The following UBTD2 variants were observed in gnomAD, a reference collection of about 807,000 sequenced individuals.
The protein encoded by UBTD2 is ubiquitin domain containing 2, also known as ubiquitin domain-containing protein 2.
Under a neutral mutation model 19.8 loss-of-function variants are expected in UBTD2, and 9 were observed. The observed-to-expected ratio is 0.46, with a 90% CI of 0.27 to 0.79. The LOEUF (loss-of-function observed/expected upper bound fraction) is 0.79, where lower values mean the gene tolerates loss of function less well. Ranked by LOEUF, UBTD2 falls within the 30% of genes least tolerant of loss-of-function variation. The probability of loss-of-function intolerance (pLI) is 0.14; values close to 1 mark genes in which losing one functional copy is unlikely to be tolerated. For synonymous variants in UBTD2, 98 were observed against 103.9 expected (o/e 0.94, Z 0.35); for missense variants, 250 against 300.4 (o/e 0.83, Z 1.24).
intron 1 of UBTD2, among the ~76,000 whole-genome samples, chr5:172,236,315 G>A (rs1772006585): frequency 6.6e-6 from 1 of 152,236 alleles, no homozygotes; most frequent in African/African-American, 2.4e-5. Flanking sequence ...TAGTAGCAGA[G>A]CTGGAAACAG....
At chr5:172,220,232 A>C (rs1411339923) in intron 2 of UBTD2, among the ~76,000 whole-genome samples, 5 of 152,262 alleles carry the variant, frequency 3.3e-5, no homozygotes, top group Non-Finnish European at 7.3e-5. Flanking sequence ...AAGAAAAATC[A>C]CATGATCATA....
At chr5:172,276,006 C>A (rs777595744) in intron 1 of UBTD2, among the ~76,000 whole-genome samples, 2 of 152,202 alleles carry the variant, frequency 1.3e-5, no homozygotes, top group African/African-American at 4.8e-5. Flanking sequence ...TCTCTTCCCA[C>A]TTTAGGCAAT....
chr5:172,259,506 T>C (rs887036699), intron 1 of UBTD2, among the ~76,000 whole-genome samples: 6 of 151,896 alleles, frequency 4.0e-5, no homozygotes, highest in African/African-American at 7.3e-5. Context: ...CACATTCTCA[T>C]AGAAGAGAGA....
chr5:172,235,030 A>G (rs979350973), intron 1 of UBTD2, among the ~76,000 whole-genome samples: 7 of 152,198 alleles, frequency 4.6e-5, no homozygotes, highest in African/African-American at 1.4e-4. Flanking sequence ...GGGAGTACAT[A>G]GGAAATCTCT....
chr5:172,226,730 C>T (rs1214222102), intron 2 of UBTD2, among the ~76,000 whole-genome samples: 1 of 152,136 alleles, frequency 6.6e-6, no homozygotes, highest in African/African-American at 2.4e-5. Context: ...GAGATGCTAA[C>T]AAATTACAGG....
chr5:172,227,907 C>A (rs908508112), intron 2 of UBTD2, among the ~76,000 whole-genome samples: 6 of 151,882 alleles, frequency 4.0e-5, no homozygotes, highest in Non-Finnish European at 5.9e-5. Context: ...TCTCTAACTC[C>A]TGACCTTGTG....
intron 2 of UBTD2, among the ~76,000 whole-genome samples, chr5:172,221,703 C>T (rs1453649815): frequency 6.6e-6 from 1 of 151,980 alleles, no homozygotes; most frequent in African/African-American, 2.4e-5. Context: ...AGGAGGGAGG[C>T]AGGGATGAAT....
intron 1 of UBTD2, among the ~76,000 whole-genome samples, chr5:172,266,983 T>G (rs1481410355): frequency 6.7e-6 from 1 of 148,464 alleles, no homozygotes; most frequent in Admixed American, 6.8e-5. Flanking sequence ...AGTTTGAGAC[T>G]GCAGTGAACT....
intron 1 of UBTD2, among the ~76,000 whole-genome samples, chr5:172,266,859 A>C (rs1755389201): frequency 6.6e-6 from 1 of 152,044 alleles, no homozygotes; most frequent in Non-Finnish European, 1.5e-5. Context: ...GCAACAAAAC[A>C]AGACACCATC....
intron 1 of UBTD2, among the ~76,000 whole-genome samples, chr5:172,269,896 T>C (rs981077740): frequency 9.2e-5 from 14 of 151,424 alleles, no homozygotes; most frequent in African/African-American, 3.4e-4. Context: ...GCCAACATGG[T>C]GAAACTCCGT....
chr5:172,271,483 T>C (rs1755491078), intron 1 of UBTD2, among the ~76,000 whole-genome samples: 1 of 151,798 alleles, frequency 6.6e-6, no homozygotes, highest in African/African-American at 2.4e-5. Context: ...TCAGTGATGC[T>C]TTCTGACCCT....
At chr5:172,282,503 G>A (rs1647777870) in intron 1 of UBTD2, among the ~76,000 whole-genome samples, 1 of 152,190 alleles carries the variant, frequency 6.6e-6, no homozygotes, top group Admixed American at 6.5e-5. Context: ...GAGCTTAAGT[G>A]ACAGGGCAAG....
intron 1 of UBTD2, among the ~76,000 whole-genome samples, chr5:172,261,922 C>T (rs186029785): frequency 1.6e-3 from 237 of 152,212 alleles, no homozygotes; most frequent in African/African-American, 4.9e-3. Flanking sequence ...CCACACCCAG[C>T]CTCACTCACA....
chr5:172,224,022 T>C (rs999835259), intron 2 of UBTD2, among the ~76,000 whole-genome samples: 2 of 152,056 alleles, frequency 1.3e-5, no homozygotes, highest in African/African-American at 2.4e-5. Flanking sequence ...CCCAAGTTGG[T>C]CCAAAGGAAA....
intron 1 of UBTD2, among the ~76,000 whole-genome samples, chr5:172,259,910 G>A (rs1755231602): frequency 6.6e-6 from 1 of 151,986 alleles, no homozygotes; most frequent in East Asian, 1.9e-4. Flanking sequence ...AAAATTAGCT[G>A]AGCATGATGG....
intron 1 of UBTD2, among the ~76,000 whole-genome samples, chr5:172,241,196 C>T (rs983146700): frequency 5.3e-5 from 8 of 151,780 alleles, no homozygotes; most frequent in African/African-American, 1.9e-4. Context: ...AGTGGATCAC[C>T]CGAGGTCAGG....
intron 1 of UBTD2, among the ~76,000 whole-genome samples, chr5:172,234,739 C>A (rs1771973786): frequency 6.6e-6 from 1 of 152,058 alleles, no homozygotes; most frequent in Non-Finnish European, 1.5e-5. Flanking sequence ...AGACCCCCAT[C>A]TCTACAAAAT....
chr5:172,258,079 C>A (rs557881259), intron 1 of UBTD2, among the ~76,000 whole-genome samples: 173 of 152,258 alleles, frequency 1.1e-3, no homozygotes, highest in African/African-American at 4.0e-3. Context: ...AAAACTTTGC[C>A]AGGGCCTATG....
chr5:172,246,942 G>T (rs2113050185), intron 1 of UBTD2, among the ~76,000 whole-genome samples: 1 of 151,408 alleles, frequency 6.6e-6, no homozygotes, highest in African/African-American at 2.4e-5. Flanking sequence ...TTTCAGTAGA[G>T]ATGGGGTTTC....
Sources: allele counts gnomAD v4.1 joint callset (sites outside exome capture counted in the v4.1 genomes callset), GRCh38; gene constraint gnomAD v4.1.1; transcripts MANE v1.5; gene names NCBI Gene and HGNC (gene_info 2026-07-23, HGNC 2026-07-21).